Variants in ACTN3 observed in about 807,000 individuals in gnomAD.
The protein encoded by ACTN3 is actinin alpha 3, also known as alpha-actinin-3.
ACTN3 carries 91 observed loss-of-function variants against 119.6 expected under a neutral mutation model. That is an observed-to-expected ratio of 0.76 (90% CI 0.64 to 0.91). The LOEUF (loss-of-function observed/expected upper bound fraction) is 0.91, where lower values mean the gene tolerates loss of function less well. ACTN3 is among the 40% of genes least tolerant of loss of function. The pLI, the probability that ACTN3 is intolerant of heterozygous loss-of-function variation, is 0.00. For missense variants in ACTN3, 1,221 were observed against 1,215.1 expected (o/e 1.00, Z -0.07); for synonymous variants, 456 against 478.8 (o/e 0.95, Z 0.62).
rs995800240 is a variant in ACTN3, at chr11:66,562,730, G to A, written c.2389-66G>A. On this transcript the variant is annotated intron_variant, in intron 19 of 20. Transcript: ENST00000513398. ...AGCTGAGGTTGGACAGTCCCCAGGA[G>A]GGGACACTGGGAGCCCTCCTGGCTT... 9.2e-6 allele frequency: 14 copies of A among 1,522,634 alleles called. No homozygotes were observed. The Admixed American group carries it at 1.9e-4, about 20-fold the overall frequency. 94.3% of individuals were successfully genotyped at this position (1,522,634 alleles called of 1,614,324 possible). A position where few individuals can be genotyped will look rare whatever the true frequency, so the allele number is the denominator to read the frequency against.
Position 66,562,870 on chromosome 11 carries a change from C to T in ACTN3, c.2463C>T (p.Phe821=). The change falls in exon 20 of 21, where the codon TTC becomes TTT. Residue 821 remains phenylalanine (F), a synonymous_variant. Transcript: ENST00000513398. ...NAAGVVTFQA[F]IDFMTRETAE... Reference sequence around the variant, plus strand: ...CTGGGGTGGTGACCTTCCAGGCCTTCATAGACTTCATGACCCGAGAGACAG... The same window carrying T: ...CTGGGGTGGTGACCTTCCAGGCCTTTATAGACTTCATGACCCGAGAGACAG... 3.1e-6 allele frequency: 5 copies of T among 1,613,870 alleles called. No homozygotes were observed. Among genetic ancestry groups the T allele is most frequent in the Non-Finnish European group, 4.2e-6 (5 of 1,179,834 alleles).
chr11:66,546,974 G>C lies in ACTN3; in HGVS notation c.37G>C (p.Gly13Arg). 3 of 1,523,264 alleles carry C rather than the reference G, an allele frequency of 2.0e-6. No homozygotes were observed. Among genetic ancestry groups the C allele is most frequent in the Non-Finnish European group, 2.6e-6 (3 of 1,139,260 alleles). The allele number at this position is 1,523,264 out of a possible 1,614,324, so 94.4% of individuals were successfully genotyped here. Residue 13 changes from glycine to arginine, a missense_variant, in exon 1 of 21, where the codon GGG becomes CGG. By Grantham distance (125) the Gly-to-Arg change is moderately radical. Coordinates refer to ENST00000513398, the MANE Select transcript of ACTN3 (RefSeq NM_001104.4). ...TATGCAGCCCGAGGGTCTGGGGGCC[G>C]GGGAGGGGCGCTTTGCGGGCGGCGG... The part of the protein sequence containing the change: ...MVMQPEGLGA[G>R]EGRFAGGGGG...
rs182814311 is a variant in ACTN3, at chr11:66,561,771, C to T, written c.2175+134C>T. On this transcript the variant is annotated intron_variant, in intron 17 of 20. Coordinates refer to ENST00000513398, the MANE Select transcript of ACTN3 (RefSeq NM_001104.4). ...CTTGGCCAGGTCCCTTAAGACCCAG[C>T]GATGGAAAGTGACCCTTCCAGAGTC... 131 of 1,174,632 alleles carry T rather than the reference C, an allele frequency of 1.1e-4. No individual in the cohort carries two copies. The Admixed American group carries it at 1.3e-3, about 12-fold the overall frequency. The allele number at this position is 1,174,632 out of a possible 1,614,324, so 72.8% of individuals were successfully genotyped here.
chr11:66,559,955 TTC>T lies in ACTN3; in HGVS notation c.1428-10_1428-9del. On this transcript the variant is annotated splice_polypyrimidine_tract_variant and intron_variant, in intron 12 of 20. Transcript: ENST00000513398. ...GGGGCTGGCCCCACACTCGCCCTAC[TTC>T]TCGCTCCCAGTGAGCTGGACTACCA... 3 of 1,582,214 alleles carry T rather than the reference TTC, an allele frequency of 1.9e-6. No homozygotes were observed. The highest frequency in any genetic ancestry group is 2.6e-6 in the Non-Finnish European group (3 of 1,166,460).
chr11:66,555,092 T>A (rs1369564117), intron 5 of ACTN3, 38 bp from the exon 6 acceptor site: 2 of 1,607,618 alleles, frequency 1.2e-6, no homozygotes, highest in East Asian at 2.2e-5. Context: ...GGGCCCCAGC[T>A]TGAACCCAGG....
Position 66,559,843 on chromosome 11 carries a change from C to G in ACTN3, c.1428-125C>G, listed in dbSNP as rs928732507. The stretch of plus-strand genomic sequence containing the variant: ...CCTCTTGGAAAGCACCCAGCTTTAC[C>G]CACCACCTGCCCTGGCTCCCGCACG... On this transcript the variant is annotated intron_variant, in intron 12 of 20. Transcript: ENST00000513398. 1.4e-5 allele frequency: 14 copies of G among 969,182 alleles called. No homozygotes were observed. In the African/African-American group the frequency reaches 1.5e-4, roughly 10 times the overall value. The allele number at this position is 969,182 out of a possible 1,614,324, so 60.0% of individuals were successfully genotyped here.
rs1384659969 is a variant in ACTN3, at chr11:66,561,480, G to A, written c.2018G>A (p.Gly673Glu). 4 of 1,601,026 alleles carry A rather than the reference G, an allele frequency of 2.5e-6. No individual in the cohort carries two copies. The Admixed American group carries it at 7.0e-5, about 28-fold the overall frequency. The change falls in exon 17 of 21, where the codon GGG (glycine) becomes GAG (glutamate). Residue 673 changes from glycine to glutamate, a missense_variant. Transcript: ENST00000513398. ...KVEEVGRLAA[G>E]LAGSLEEQMA... ...CAGGAAGTGGGGCGGCTGGCAGCAG[G>A]GCTAGCTGGCTCTCTGGAGGAGCAG...
At chr11:66,554,452 G>A (rs1202877863) in intron 4 of ACTN3, 84 bp from the exon 5 acceptor site, 11 of 968,808 alleles carry the variant, frequency 1.1e-5, no homozygotes, top group Non-Finnish European at 1.6e-5. Flanking sequence ...GCAAGACCCT[G>A]TCTCAAAAAA....
intron 9 of ACTN3, 99 bp from the exon 10 acceptor site, chr11:66,557,600 C>T (rs1857618894): frequency 1.5e-6 from 2 of 1,318,484 alleles, no homozygotes; most frequent in Non-Finnish European, 2.1e-6. Flanking sequence ...TCACCCCCAC[C>T]TACACTCTGG....
chr11:66,558,372 G>T (rs1463844149), intron 11 of ACTN3, among the ~76,000 whole-genome samples, 198 bp downstream of exon 11: 1 of 152,172 alleles, frequency 6.6e-6, no homozygotes, highest in Non-Finnish European at 1.5e-5. Context: ...GCCCCTCTGT[G>T]GACCACAGTT....
At position 66,562,916 on chromosome 11, in the gene ACTN3, C is replaced by T. The variant is rs1857822134; in HGVS notation, c.2509C>T (p.Gln837Ter). The T allele has an allele frequency of 6.2e-7, 1 of 1,613,680 alleles. No homozygotes were observed. The highest frequency in any genetic ancestry group is 8.5e-7 in the Non-Finnish European group (1 of 1,179,720). The change falls in exon 20 of 21, where the codon CAA (glutamine) becomes TAA (stop). Residue 837 changes from glutamine to a stop codon, truncating the protein, a stop_gained. Transcript: ENST00000513398. LOFTEE classifies it high-confidence loss of function. ...RETAETDTTE[Q>*]VVASFKILAG... is the part of the protein sequence containing the mutation. ...GACAGCCGAGACTGACACGACTGAG[C>T]AAGTTGTAGCTTCCTTCAAGATCTT... is the stretch of plus-strand genomic sequence containing the variant.
rs1857559237 is a variant in ACTN3 at position 66,555,059 on chromosome 11, G to A, written c.558-71G>A. The A allele has an allele frequency of 5.1e-6, 7 of 1,377,512 alleles. 1 individual carries two copies. In the Middle Eastern group the frequency reaches 8.9e-4, roughly 176 times the overall value. 85.3% of individuals were successfully genotyped at this position (1,377,512 alleles called of 1,614,324 possible). A position where few individuals can be genotyped will look rare whatever the true frequency, so the allele number is the denominator to read the frequency against. On this transcript the variant is annotated intron_variant, in intron 5 of 20. Transcript: ENST00000513398. The stretch of plus-strand genomic sequence containing the variant: ...AGATGAGGCTGTCCTTCTGGGGGGT[G>A]CTCCTGGGCCGAGGGGAGAACGGGG...
Position 66,560,324 on chromosome 11 carries a change from G to T in ACTN3, c.1677+13G>T, listed in dbSNP as rs775963756. 3 of 1,609,744 alleles carry T rather than the reference G, an allele frequency of 1.9e-6. No homozygotes were observed. The African/African-American group carries it at 4.0e-5, about 22-fold the overall frequency. On this transcript the variant is annotated intron_variant, in intron 14 of 20. Transcript: ENST00000513398. ...GGAGGAGACCCAGGTGGGTGCCAGG[G>T]TTGCAGGGGATGGATAGGATGACAG... is the stretch of plus-strand genomic sequence containing the variant.
chr11:66,561,231 G>A lies in ACTN3; in HGVS notation c.1865G>A (p.Arg622Gln), dbSNP rs766026099. ...GCATAACTGCCCTCCTCCCAGGTCC[G>A]AAAGCTGGTGCCCAGCTGTGACCAG... ...QDINTKWDMV[R>Q]KLVPSCDQTL... Residue 622 changes from arginine (R) to glutamine (Q), a missense_variant, in exon 16 of 21, where the codon CGA (arginine) becomes CAA (glutamine). Arg to Gln is a conservative substitution (Grantham distance 43). Coordinates refer to ENST00000513398, the MANE Select transcript of ACTN3 (RefSeq NM_001104.4). 2.6e-5 allele frequency: 40 copies of A among 1,566,484 alleles called. No individual in the cohort carries two copies. Among genetic ancestry groups the A allele is most frequent in the Middle Eastern group, 2.3e-4 (1 of 4,394 alleles).
At chr11:66,546,759 T>C (rs1387900288), upstream of ACTN3, 22 of 1,535,034 alleles carry the variant, frequency 1.4e-5, no homozygotes, top group Non-Finnish European at 1.9e-5. Flanking sequence ...GTCCCGCAGT[T>C]CCCGGCTTCA....
rs80207660 is a variant in ACTN3, at chr11:66,553,951, G to C, written c.383-94G>C. ...GCCAGCCCTGAAATGGGAGACAAGGGCCAGAGGGCTGATCAGAGGGGAAGG... is the reference window on the plus strand; with the variant it reads ...GCCAGCCCTGAAATGGGAGACAAGGCCCAGAGGGCTGATCAGAGGGGAAGG... On this transcript the variant is annotated intron_variant, in intron 3 of 20. Transcript: ENST00000513398. The C allele has an allele frequency of 6.8e-4, 686 of 1,005,448 alleles. 2 individuals carry two copies. In the African/African-American group the frequency reaches 0.01, roughly 15 times the overall value. 62.3% of individuals were successfully genotyped at this position (1,005,448 alleles called of 1,614,324 possible). A position where few individuals can be genotyped will look rare whatever the true frequency, so the allele number is the denominator to read the frequency against.
At chr11:66,561,740 G>T (rs1310995702) in intron 17 of ACTN3, 103 bp downstream of exon 17, 6 of 1,387,374 alleles carry the variant, frequency 4.3e-6, no homozygotes, top group African/African-American at 1.4e-5. Context: ...AGAGTCCCCA[G>T]TTCAGCTTGG....
chr11:66,547,048 G>A lies in ACTN3; in HGVS notation c.111G>A (p.Leu37=). 6.6e-7 allele frequency: 1 copy of A among 1,511,042 alleles called. No homozygotes were observed. The allele number at this position is 1,511,042 out of a possible 1,614,324, so 93.6% of individuals were successfully genotyped here. The part of the protein sequence containing the change: ...MEQEEDWDRD[L]LLDPAWEKQQ... The stretch of plus-strand genomic sequence containing the variant: ...AGGAGGAGGACTGGGACCGCGACCT[G>A]CTGCTGGACCCGGCCTGGGAGAAGC... The change falls in exon 1 of 21, where the codon CTG becomes CTA. Residue 37 remains leucine, a synonymous_variant. Coordinates refer to ENST00000513398, the MANE Select transcript of ACTN3 (RefSeq NM_001104.4).
chr11:66,557,298 G>A (rs1378404841), intron 9 of ACTN3, 73 bp downstream of exon 9: 23 of 1,423,280 alleles, frequency 1.6e-5, no homozygotes, highest in South Asian at 3.7e-5. Flanking sequence ...AACCCCAAGC[G>A]TGGGCCTGCA....
Sources: allele counts gnomAD v4.1 joint callset (sites outside exome capture counted in the v4.1 genomes callset), GRCh38; gene constraint gnomAD v4.1.1; transcripts MANE v1.5; gene names NCBI Gene and HGNC (gene_info 2026-07-23, HGNC 2026-07-21).